The following EYS variants were observed in gnomAD, a reference collection of about 807,000 sequenced individuals.
EYS encodes protein eyes shut homolog.
A neutral mutation model predicts 282.1 loss-of-function variants in EYS; 250 were observed. That is an observed-to-expected ratio of 0.89 (90% CI 0.80 to 0.98). The LOEUF (loss-of-function observed/expected upper bound fraction) is 0.98, where lower values mean the gene tolerates loss of function less well. Ranked by LOEUF, EYS falls within the 50% of genes least tolerant of loss-of-function variation. The probability of loss-of-function intolerance (pLI) is 0.00; values close to 1 mark genes in which losing one functional copy is unlikely to be tolerated. For missense variants in EYS, 4,016 were observed against 3,709.0 expected (o/e 1.08, Z -2.15); for synonymous variants, 1,355 against 1,282.9 (o/e 1.06, Z -1.20).
At chr6:64,596,802 G>T (rs1490514643) in intron 24 of EYS, among the ~76,000 whole-genome samples, 5 of 152,098 alleles carry the variant, frequency 3.3e-5, no homozygotes, top group Admixed American at 2.0e-4. Context: ...TATAGGCAAA[G>T]ATTTTTATGA....
chr6:64,756,036 CTAGCAAATCAT>C (rs1772926532), intron 22 of EYS, among the ~76,000 whole-genome samples: 1 of 152,104 alleles, frequency 6.6e-6, no homozygotes, highest in Non-Finnish European at 1.5e-5. Flanking sequence ...AAATTCTTCT[CTAGCAAATCAT>C]TAGCAAATTA....
intron 19 of EYS, among the ~76,000 whole-genome samples, chr6:64,850,787 T>G (rs557038827): frequency 6.6e-6 from 1 of 152,048 alleles, no homozygotes; most frequent in Non-Finnish European, 1.5e-5. Flanking sequence ...AGTTCAAAAG[T>G]AATTAAGAAG....
chr6:65,510,218 G>C (rs540145015), intron 2 of EYS, among the ~76,000 whole-genome samples: 81 of 123,534 alleles, frequency 6.6e-4, no homozygotes, highest in African/African-American at 2.4e-3. Flanking sequence ...TCCCCTTCCT[G>C]TGTCCATGTG....
chr6:63,963,579 G>C (rs1766177468), intron 35 of EYS, among the ~76,000 whole-genome samples: 1 of 152,126 alleles, frequency 6.6e-6, no homozygotes, highest in Non-Finnish European at 1.5e-5. Context: ...TGGCATTCCT[G>C]GGTCTGGGCG....
rs1314313283 is a variant in EYS at position 63,772,485 on chromosome 6, TTATA to T, written c.7898+5517_7898+5520del. On this transcript the variant is annotated intron_variant, in intron 40 of 42. Coordinates refer to ENST00000503581, the MANE Select transcript of EYS (RefSeq NM_001142800.2). ...TAAATATAATGCTATTTGGGTATTT[TTATA>T]TATAGTTTTAAAATAACAATATCAA... 3.9e-5 allele frequency among the ~76,000 whole-genome samples: 6 copies of T among 152,256 alleles called. No homozygotes were observed. The East Asian group carries it at 9.6e-4, about 24-fold the overall frequency.
At chr6:65,062,338 C>G (rs2150160217) in intron 12 of EYS, among the ~76,000 whole-genome samples, 1 of 152,014 alleles carries the variant, frequency 6.6e-6, no homozygotes, top group South Asian at 2.1e-4. Context: ...ATTAGTAAAT[C>G]TTTGCAACTT....
chr6:64,492,108 C>T (rs16895300), intron 26 of EYS, among the ~76,000 whole-genome samples: 2,116 of 151,144 alleles, frequency 0.014, 36 homozygotes, highest in African/African-American at 0.041. Context: ...TTGTACTATG[C>T]ATATAACCTA....
chr6:64,388,352 A>C (rs1441453980), intron 29 of EYS, among the ~76,000 whole-genome samples: 1 of 152,152 alleles, frequency 6.6e-6, no homozygotes, highest in Non-Finnish European at 1.5e-5. Flanking sequence ...TATTAAGTGA[A>C]TCTTTTGAAA....
At chr6:65,664,218 T>C (rs566952948) in intron 1 of EYS, among the ~76,000 whole-genome samples, 72 of 152,100 alleles carry the variant, frequency 4.7e-4, no homozygotes, top group Middle Eastern at 3.4e-3. Context: ...AGAATAATAA[T>C]AGTGAAAGAA....
intron 15 of EYS, among the ~76,000 whole-genome samples, chr6:64,945,089 G>A (rs1306834733): frequency 6.8e-6 from 1 of 147,428 alleles, no homozygotes. Context: ...GGTATGCTGA[G>A]TGCCGGTCCC....
At chr6:65,531,514 C>T (rs1159711878) in intron 2 of EYS, among the ~76,000 whole-genome samples, 1 of 152,092 alleles carries the variant, frequency 6.6e-6, no homozygotes, top group East Asian at 1.9e-4. Context: ...AACTGAAAGC[C>T]CAATCCCCAA....
At chr6:65,437,621 G>A (rs1479982567) in intron 5 of EYS, among the ~76,000 whole-genome samples, 1 of 152,102 alleles carries the variant, frequency 6.6e-6, no homozygotes, top group Non-Finnish European at 1.5e-5. Context: ...AGTACTTCAT[G>A]TATGCTTCTT....
At chr6:64,686,853 A>ACGTGTATATATACACACACATATATACG (rs1279566533) in intron 22 of EYS, among the ~76,000 whole-genome samples, 2 of 19,590 alleles carry the variant, frequency 1.0e-4, no homozygotes, top group Admixed American at 5.2e-4. Flanking sequence ...ATATATATAT[A>ACGTGTATATATACACACACATATATACG]TGTGTATATA....
At chr6:64,846,384 A>G (rs1157583288) in intron 19 of EYS, among the ~76,000 whole-genome samples, 3 of 152,114 alleles carry the variant, frequency 2.0e-5, no homozygotes, top group Non-Finnish European at 4.4e-5. Context: ...CTGAGGCTCT[A>G]TTAGTTACAT....
chr6:64,226,184 T>C (rs1766248160), intron 31 of EYS, among the ~76,000 whole-genome samples: 1 of 152,262 alleles, frequency 6.6e-6, no homozygotes, highest in Middle Eastern at 3.4e-3. Context: ...TTCGGACTAC[T>C]CTTGTACACT....
intron 1 of EYS, among the ~76,000 whole-genome samples, chr6:65,690,513 C>T (rs1334945261): frequency 6.7e-6 from 1 of 150,054 alleles, no homozygotes; most frequent in Non-Finnish European, 1.5e-5. Flanking sequence ...ACTGCACGTC[C>T]ATTCATAGGC....
intron 15 of EYS, among the ~76,000 whole-genome samples, chr6:64,942,546 G>C (rs1027153545): frequency 6.7e-6 from 1 of 148,898 alleles, no homozygotes; most frequent in African/African-American, 2.5e-5. Context: ...CATTACAACT[G>C]ATCTCACAGA....
At chr6:63,931,192 C>A (rs1327096395) in intron 35 of EYS, among the ~76,000 whole-genome samples, 1 of 152,162 alleles carries the variant, frequency 6.6e-6, no homozygotes, top group Non-Finnish European at 1.5e-5. Flanking sequence ...AGTCTGTTAT[C>A]CCAGGTGGCT....
At chr6:65,394,323 T>G (rs1417941360) in intron 7 of EYS, among the ~76,000 whole-genome samples, 1 of 152,004 alleles carries the variant, frequency 6.6e-6, no homozygotes, top group African/African-American at 2.4e-5. Flanking sequence ...GAATAAACAC[T>G]TTCTACTCTA....
Sources: gnomAD v4.1 joint callset for allele counts (sites outside exome capture counted in the v4.1 genomes callset) on GRCh38, gnomAD v4.1.1 for gene constraint, MANE v1.5 for transcripts, NCBI Gene and HGNC (gene_info 2026-07-23, HGNC 2026-07-21) for gene names.